Variants in EBF2 observed in about 807,000 individuals in gnomAD.
The protein encoded by EBF2 is transcription factor COE2.
EBF2 carries 21 observed loss-of-function variants against 72.8 expected under a neutral mutation model. The ratio of observed to expected loss-of-function variants is 0.29; its 90% CI spans 0.20 to 0.42. The LOEUF is 0.42. Ranked by LOEUF, EBF2 falls within the 10% of genes least tolerant of loss-of-function variation. The pLI is 1.00. For missense variants in EBF2, 637 were observed against 731.2 expected (o/e 0.87, Z 1.49); for synonymous variants, 299 against 274.2 (o/e 1.09, Z -0.89).
chr8:25,948,109 T>C (rs921647571), intron 6 of EBF2, among the ~76,000 whole-genome samples: 4 of 152,226 alleles, frequency 2.6e-5, no homozygotes, highest in Non-Finnish European at 4.4e-5. Flanking sequence ...AGAGTCATTC[T>C]ATAGGCCTCC....
At chr8:25,846,707 T>C (rs113688167) in intron 15 of EBF2, among the ~76,000 whole-genome samples, 164 of 152,214 alleles carry the variant, frequency 1.1e-3, no homozygotes, top group African/African-American at 3.9e-3. Context: ...AAATCTTCAG[T>C]CCCTTCCTTT....
chr8:26,018,496 C>CAAAA (rs10555042), intron 6 of EBF2, among the ~76,000 whole-genome samples: 2 of 81,620 alleles, frequency 2.5e-5, no homozygotes, highest in African/African-American at 5.0e-5. Context: ...ACTAAAAATA[C>CAAAA]AAAAAAAAAA....
chr8:26,018,418 C>T (rs1167102803), intron 6 of EBF2, among the ~76,000 whole-genome samples: 4 of 148,418 alleles, frequency 2.7e-5, no homozygotes, highest in Non-Finnish European at 4.4e-5. Context: ...TTTGGGAGGC[C>T]GAGGCAGGTG....
In EBF2 at chr8:25,904,278, A is replaced by G. The variant is rs1410479719; in HGVS notation, c.633+4196T>C. 2.0e-5 allele frequency among the ~76,000 whole-genome samples: 3 copies of G among 151,166 alleles called. No homozygotes were observed. The East Asian group carries it at 5.9e-4, about 29-fold the overall frequency. On this transcript the variant is annotated intron_variant, in intron 7 of 15. Coordinates refer to ENST00000520164, the MANE Select transcript of EBF2 (RefSeq NM_022659.4). ...GTTAAAAAGGGTTAAAAGGGTTAAAACCCTTTGTGTTTCAGTATTTTTTAT... is the reference window on the plus strand; with the variant it reads ...GTTAAAAAGGGTTAAAAGGGTTAAAGCCCTTTGTGTTTCAGTATTTTTTAT...
At position 25,931,648 on chromosome 8, in the gene EBF2, G is replaced by A. The variant is rs1803482689; in HGVS notation, c.552-23093C>T. On this transcript the variant is annotated intron_variant, in intron 6 of 15. Transcript: ENST00000520164. ...TCAATATCCCTTTTACCTTCAAGTA[G>A]CAGCACTTAATAAACAGTGATGGAT... Among the ~76,000 whole-genome samples, 3 of 152,222 alleles carry A rather than the reference G, an allele frequency of 2.0e-5. No individual in the cohort carries two copies. In the South Asian group the frequency reaches 6.2e-4, roughly 32 times the overall value.
chr8:25,970,957 T>C (rs1196934635), intron 6 of EBF2, among the ~76,000 whole-genome samples: 1 of 152,072 alleles, frequency 6.6e-6, no homozygotes, highest in Non-Finnish European at 1.5e-5. Context: ...TTCAGCCTCC[T>C]GAGTAACTGA....
intron 6 of EBF2, among the ~76,000 whole-genome samples, chr8:25,993,661 T>G (rs1804579629): frequency 6.6e-6 from 1 of 152,194 alleles, no homozygotes; most frequent in South Asian, 2.1e-4. Context: ...CTGTGTGGAA[T>G]GCAAGCTTGA....
In EBF2 at chr8:25,960,711, G is replaced by A. The variant is rs913670275; in HGVS notation, c.552-52156C>T. Reference sequence around the variant, plus strand: ...AGCCTTTGGTCTTTGATGCTGTTTCGTCTCTAGAGCATCATCAAAAAGCCT... The same window carrying A: ...AGCCTTTGGTCTTTGATGCTGTTTCATCTCTAGAGCATCATCAAAAAGCCT... On this transcript the variant is annotated intron_variant, in intron 6 of 15. Coordinates refer to ENST00000520164, the MANE Select transcript of EBF2 (RefSeq NM_022659.4). Among the ~76,000 whole-genome samples, 5 of 152,050 alleles carry A rather than the reference G, an allele frequency of 3.3e-5. No individual in the cohort carries two copies. The South Asian group carries it at 6.2e-4, about 19-fold the overall frequency.
intron 6 of EBF2, among the ~76,000 whole-genome samples, chr8:25,912,002 T>G (rs1803137343): frequency 1.3e-5 from 2 of 152,118 alleles, no homozygotes; most frequent in Non-Finnish European, 2.9e-5. Context: ...GGAGGGTGCT[T>G]CAGGAATATC....
chr8:25,930,563 C>G (rs1005764158), intron 6 of EBF2, among the ~76,000 whole-genome samples: 1 of 152,130 alleles, frequency 6.6e-6, no homozygotes, highest in Non-Finnish European at 1.5e-5. Context: ...AAAGTGTCCT[C>G]ATTTAGTTGA....
intron 6 of EBF2, among the ~76,000 whole-genome samples, chr8:25,931,730 T>C (rs1348105464): frequency 6.6e-6 from 1 of 152,176 alleles, no homozygotes; most frequent in Admixed American, 6.5e-5. Context: ...GGGGACTATT[T>C]TGCTTGGGGG....
intron 10 of EBF2, among the ~76,000 whole-genome samples, chr8:25,873,578 A>G (rs183663597): frequency 5.8e-4 from 88 of 152,338 alleles, no homozygotes; most frequent in Middle Eastern, 6.8e-3. Context: ...GGACACAGGA[A>G]CAAGAATACG....
chr8:25,906,493 G>T (rs954216084), intron 7 of EBF2, among the ~76,000 whole-genome samples: 2 of 152,164 alleles, frequency 1.3e-5, no homozygotes, highest in Non-Finnish European at 2.9e-5. Flanking sequence ...AGGCCCAGAA[G>T]CGGTGGCTCA....
At chr8:25,986,434 C>T (rs1242469065) in intron 6 of EBF2, among the ~76,000 whole-genome samples, 1 of 152,118 alleles carries the variant, frequency 6.6e-6, no homozygotes, top group Non-Finnish European at 1.5e-5. Flanking sequence ...TGTCACCCTC[C>T]CTAGATTATA....
At chr8:26,021,208 G>A (rs1805199022) in intron 6 of EBF2, among the ~76,000 whole-genome samples, 1 of 152,152 alleles carries the variant, frequency 6.6e-6, no homozygotes, top group Non-Finnish European at 1.5e-5. Flanking sequence ...AAAAAAGGAG[G>A]GAAGAGACTG....
chr8:25,957,975 C>G (rs914022513), intron 6 of EBF2, among the ~76,000 whole-genome samples: 1 of 152,176 alleles, frequency 6.6e-6, no homozygotes, highest in Admixed American at 6.5e-5. Flanking sequence ...GGAAGGCAGG[C>G]AGAACGCAAA....
intron 6 of EBF2, among the ~76,000 whole-genome samples, chr8:26,012,467 AATTT>A (rs562009916): frequency 1.9e-4 from 29 of 152,150 alleles, no homozygotes; most frequent in Non-Finnish European, 4.3e-4. Context: ...ATACATACTA[AATTT>A]ATTTCTCTAT....
At chr8:26,012,660 C>T (rs1805043866) in intron 6 of EBF2, among the ~76,000 whole-genome samples, 1 of 152,168 alleles carries the variant, frequency 6.6e-6, no homozygotes, top group Non-Finnish European at 1.5e-5. Flanking sequence ...CCATTTTATG[C>T]ATGTATGCAT....
At chr8:25,998,943 G>A (rs1348223272) in intron 6 of EBF2, among the ~76,000 whole-genome samples, 4 of 152,162 alleles carry the variant, frequency 2.6e-5, no homozygotes, top group Non-Finnish European at 5.9e-5. Flanking sequence ...CCACTTGCCA[G>A]CGCCACTGAG....
Sources: allele counts gnomAD v4.1 joint callset (sites outside exome capture counted in the v4.1 genomes callset), GRCh38; gene constraint gnomAD v4.1.1; transcripts MANE v1.5; gene names NCBI Gene and HGNC (gene_info 2026-07-23, HGNC 2026-07-21).